Variants in NPR3 observed in about 807,000 individuals in gnomAD.
The protein encoded by NPR3 is atrial natriuretic peptide receptor 3.
NPR3 carries 34 observed loss-of-function variants against 54.5 expected under a neutral mutation model. The observed-to-expected ratio is 0.62, with a 90% CI of 0.47 to 0.83. The LOEUF is 0.83. NPR3 is among the 40% of genes least tolerant of loss of function. The pLI, the probability that NPR3 is intolerant of heterozygous loss-of-function variation, is 0.00. For missense variants in NPR3, 674 were observed against 720.8 expected (o/e 0.94, Z 0.74); for synonymous variants, 289 against 297.1 (o/e 0.97, Z 0.28).
upstream of NPR3, among the ~76,000 whole-genome samples, chr5:32,705,182 G>T (rs1255774358): frequency 1.3e-5 from 2 of 152,166 alleles, no homozygotes; most frequent in African/African-American, 2.4e-5. Flanking sequence ...TTTAAAAAAA[G>T]CTTGTGGGGA....
At chr5:32,708,023 A>G (rs1022760046), upstream of NPR3, among the ~76,000 whole-genome samples, 43 of 150,884 alleles carry the variant, frequency 2.8e-4, no homozygotes, top group Non-Finnish European at 8.9e-5. Flanking sequence ...AAAACAACCC[A>G]AACAACAAAA....
upstream of NPR3, among the ~76,000 whole-genome samples, chr5:32,705,978 A>T (rs1030392485): frequency 1.3e-5 from 2 of 152,130 alleles, no homozygotes; most frequent in Non-Finnish European, 2.9e-5. Flanking sequence ...TTATTTGGAG[A>T]ATTGTCCCTG....
chr5:32,723,716 CA>C (rs1167322493), intron 1 of NPR3, among the ~76,000 whole-genome samples: 1 of 152,080 alleles, frequency 6.6e-6, no homozygotes, highest in Non-Finnish European at 1.5e-5. Flanking sequence ...AATAATCTTG[CA>C]CTTTTGGAAA....
At chr5:32,767,347 G>C (rs1301096279) in intron 3 of NPR3, among the ~76,000 whole-genome samples, 1 of 152,160 alleles carries the variant, frequency 6.6e-6, no homozygotes, top group African/African-American at 2.4e-5. Flanking sequence ...AGGTTGGTCA[G>C]ACTCTCTGTC....
At chr5:32,697,910 T>C (rs1740572139) in intron 1 of NPR3, among the ~76,000 whole-genome samples, 1 of 152,038 alleles carries the variant, frequency 6.6e-6, no homozygotes, top group Non-Finnish European at 1.5e-5. Flanking sequence ...GGTTTGTCGA[T>C]TTTCTTTATT....
At chr5:32,774,873 T>C (rs747934519) in intron 4 of NPR3, 30 bp downstream of exon 4, 2 of 1,554,432 alleles carry the variant, frequency 1.3e-6, no homozygotes, top group Non-Finnish European at 1.8e-6. Flanking sequence ...GGCAATTACA[T>C]GGGGCCAAAT....
intron 1 of NPR3, among the ~76,000 whole-genome samples, chr5:32,702,483 C>T (rs1345847200): frequency 4.9e-5 from 7 of 141,460 alleles, no homozygotes; most frequent in Non-Finnish European, 1.1e-4. Context: ...TTGTTCAATT[C>T]CCACCTATGA....
chr5:32,724,382 C>A (rs1039585336), intron 1 of NPR3, among the ~76,000 whole-genome samples: 1 of 152,140 alleles, frequency 6.6e-6, no homozygotes, highest in African/African-American at 2.4e-5. Context: ...GACCATCCCC[C>A]AAGTTGGGTT....
chr5:32,749,502 C>A (rs562463040), intron 3 of NPR3, among the ~76,000 whole-genome samples: 4 of 152,240 alleles, frequency 2.6e-5, no homozygotes, highest in Non-Finnish European at 4.4e-5. Context: ...ATGAGTGGAA[C>A]TTGTTATAGT....
chr5:32,782,092 C>T (rs1742364164), intron 5 of NPR3, among the ~76,000 whole-genome samples: 1 of 152,236 alleles, frequency 6.6e-6, no homozygotes, highest in African/African-American at 2.4e-5. Flanking sequence ...TGGAATTAAA[C>T]CATAACAGAA....
intron 3 of NPR3, among the ~76,000 whole-genome samples, chr5:32,747,658 G>T (rs533164562): frequency 2.0e-5 from 3 of 151,972 alleles, no homozygotes; most frequent in South Asian, 4.2e-4. Flanking sequence ...ATACCACCTG[G>T]AAATGTCCTT....
At chr5:32,726,974 T>C (rs537867315) in intron 2 of NPR3, among the ~76,000 whole-genome samples, 14 of 152,360 alleles carry the variant, frequency 9.2e-5, no homozygotes, top group African/African-American at 3.4e-4. Flanking sequence ...TCAATATTGA[T>C]GTTGTTCCCA....
rs745628444 is a variant in NPR3, at chr5:32,786,229, C to T, written c.1515-5C>T. ...TATTACCACATTCACTTTCCCTTTA[C>T]CCAGGAAGAAATACAGAATAACCAT... On this transcript the variant is annotated splice_region_variant and splice_polypyrimidine_tract_variant and intron_variant, in intron 7 of 7. Coordinates refer to ENST00000265074, the MANE Select transcript of NPR3 (RefSeq NM_001204375.2). 8.7e-6 allele frequency: 11 copies of T among 1,260,516 alleles called. No individual in the cohort carries two copies. The African/African-American group carries it at 1.3e-4, about 15-fold the overall frequency. 78.1% of individuals were successfully genotyped at this position (1,260,516 alleles called of 1,614,324 possible).
intron 3 of NPR3, among the ~76,000 whole-genome samples, chr5:32,742,268 G>C (rs1173186151): frequency 6.6e-6 from 1 of 151,990 alleles, no homozygotes; most frequent in East Asian, 1.9e-4. Flanking sequence ...ACATGACCTA[G>C]GAATAGTGAC....
chr5:32,729,481 C>T (rs1739346442), intron 2 of NPR3, among the ~76,000 whole-genome samples: 1 of 152,272 alleles, frequency 6.6e-6, no homozygotes, highest in Middle Eastern at 3.4e-3. Context: ...ATAGAGACTT[C>T]GTGTACAGTT....
chr5:32,723,002 T>C (rs1469154287), intron 1 of NPR3, among the ~76,000 whole-genome samples: 1 of 152,056 alleles, frequency 6.6e-6, no homozygotes, highest in African/African-American at 2.4e-5. Context: ...AATGTCAGAG[T>C]CATGATCTAA....
chr5:32,719,106 A>C (rs1209303677), intron 1 of NPR3, among the ~76,000 whole-genome samples: 2 of 152,218 alleles, frequency 1.3e-5, no homozygotes, highest in Non-Finnish European at 2.9e-5. Flanking sequence ...ATCTATTGAG[A>C]TAATCATGCA....
chr5:32,753,650 T>TTA (rs1554016941), intron 3 of NPR3, among the ~76,000 whole-genome samples: 1 of 129,664 alleles, frequency 7.7e-6, no homozygotes, highest in Non-Finnish European at 1.6e-5. Flanking sequence ...TTTTTTTTTT[T>TTA]AACTTGGTGA....
At chr5:32,701,639 A>G (rs1476980988) in intron 1 of NPR3, among the ~76,000 whole-genome samples, 1 of 152,166 alleles carries the variant, frequency 6.6e-6, no homozygotes, top group African/African-American at 2.4e-5. Context: ...GGGCTTCTTT[A>G]CACACATCCT....
Sources: gnomAD v4.1 joint callset for allele counts (sites outside exome capture counted in the v4.1 genomes callset) on GRCh38, gnomAD v4.1.1 for gene constraint, MANE v1.5 for transcripts, NCBI Gene and HGNC (gene_info 2026-07-23, HGNC 2026-07-21) for gene names.